Variants in CADPS2 observed in about 807,000 individuals in gnomAD.
The protein encoded by CADPS2 is calcium dependent secretion activator 2.
Under a neutral mutation model 172.5 loss-of-function variants are expected in CADPS2, and 93 were observed. That is an observed-to-expected ratio of 0.54 (90% CI 0.46 to 0.64). CADPS2 has a LOEUF of 0.64. Among genes scored for constraint, CADPS2 ranks in the 30% least tolerant of loss-of-function variants. The pLI is 0.00. For missense variants in CADPS2, 1,420 were observed against 1,565.9 expected (o/e 0.91, Z 1.57); for synonymous variants, 546 against 555.2 (o/e 0.98, Z 0.23).
intron 11 of CADPS2, among the ~76,000 whole-genome samples, chr7:122,489,754 T>C (rs887265226): frequency 2.0e-5 from 3 of 152,156 alleles, no homozygotes; most frequent in East Asian, 3.9e-4. Flanking sequence ...ACTTTTTCCA[T>C]ATCTATAGGA....
intron 8 of CADPS2, among the ~76,000 whole-genome samples, chr7:122,540,054 T>C (rs2062760357): frequency 6.6e-6 from 1 of 152,088 alleles, no homozygotes; most frequent in South Asian, 2.1e-4. Context: ...CAAGTACATG[T>C]CATTTTCAGT....
chr7:122,562,849 T>C (rs576761235), intron 7 of CADPS2, among the ~76,000 whole-genome samples: 5 of 152,322 alleles, frequency 3.3e-5, no homozygotes, highest in African/African-American at 1.2e-4. Context: ...ATTAATGTAG[T>C]TAAAGTTTTG....
intron 20 of CADPS2, among the ~76,000 whole-genome samples, chr7:122,404,401 A>T (rs1313980093): frequency 6.6e-6 from 1 of 152,168 alleles, no homozygotes; most frequent in Non-Finnish European, 1.5e-5. Flanking sequence ...ATTGTTGGAC[A>T]TTTGGGTTGG....
At chr7:122,384,484 T>C (rs1056707867) in intron 24 of CADPS2, among the ~76,000 whole-genome samples, 2 of 152,144 alleles carry the variant, frequency 1.3e-5, no homozygotes, top group African/African-American at 4.8e-5. Context: ...CTCACCTGTA[T>C]ATGTAATGTA....
chr7:122,619,549 C>T (rs532123546), intron 5 of CADPS2, among the ~76,000 whole-genome samples: 5 of 152,030 alleles, frequency 3.3e-5, no homozygotes, highest in African/African-American at 9.6e-5. Flanking sequence ...ATCACTTGAA[C>T]CCAGGAAGTG....
At chr7:122,654,766 C>G (rs994000171) in intron 3 of CADPS2, among the ~76,000 whole-genome samples, 1 of 152,124 alleles carries the variant, frequency 6.6e-6, no homozygotes. Flanking sequence ...ACTTTCGAGT[C>G]TTATTATTTA....
At chr7:122,335,447 C>T (rs2035705736) in intron 28 of CADPS2, among the ~76,000 whole-genome samples, 1 of 152,106 alleles carries the variant, frequency 6.6e-6, no homozygotes, top group African/African-American at 2.4e-5. Context: ...TGGAGTTTCA[C>T]CATGTTGAAA....
chr7:122,868,192 C>A (rs1228109560), intron 1 of CADPS2, among the ~76,000 whole-genome samples: 1 of 142,224 alleles, frequency 7.0e-6, no homozygotes, highest in African/African-American at 2.6e-5. Context: ...AATCACCTAG[C>A]TCTGGAAGTT....
intron 2 of CADPS2, among the ~76,000 whole-genome samples, chr7:122,708,501 C>A (rs1302717152): frequency 8.2e-5 from 7 of 85,460 alleles, no homozygotes; most frequent in Admixed American, 3.6e-4. Context: ...ATATGTAGAT[C>A]CAAACATATT....
chr7:122,673,982 C>T (rs745908542), intron 2 of CADPS2, among the ~76,000 whole-genome samples: 5 of 152,086 alleles, frequency 3.3e-5, no homozygotes, highest in South Asian at 2.1e-4. Context: ...AGCGGGGAGG[C>T]GGCTGAGGCC....
At chr7:122,372,223 T>C (rs2041855082) in intron 25 of CADPS2, among the ~76,000 whole-genome samples, 1 of 152,152 alleles carries the variant, frequency 6.6e-6, no homozygotes, top group Non-Finnish European at 1.5e-5. Flanking sequence ...GGGCTTTTAA[T>C]TGCTATTCTG....
chr7:122,355,688 G>T (rs1449973143), intron 27 of CADPS2, among the ~76,000 whole-genome samples: 1 of 152,098 alleles, frequency 6.6e-6, no homozygotes, highest in Non-Finnish European at 1.5e-5. Flanking sequence ...TCTTCCAGGT[G>T]GAATTTTTGG....
chr7:122,705,424 ATATAT>A (rs2086838919), intron 2 of CADPS2, among the ~76,000 whole-genome samples: 1 of 139,956 alleles, frequency 7.1e-6, no homozygotes, highest in Admixed American at 8.0e-5. Flanking sequence ...AGTAGAGATA[ATATAT>A]AATATGTAAT....
intron 19 of CADPS2, among the ~76,000 whole-genome samples, chr7:122,411,775 T>C (rs536333525): frequency 1.3e-4 from 20 of 152,216 alleles, no homozygotes; most frequent in Middle Eastern, 3.4e-3. Context: ...AGCGACATGA[T>C]TCTGAGGGCC....
intron 18 of CADPS2, among the ~76,000 whole-genome samples, chr7:122,414,994 G>C: frequency 6.6e-6 from 1 of 152,052 alleles, no homozygotes; most frequent in East Asian, 1.9e-4. Context: ...CCAACTCAAA[G>C]TCAGAAAACT....
At chr7:122,723,998 A>T (rs901084194) in intron 2 of CADPS2, among the ~76,000 whole-genome samples, 6 of 136,950 alleles carry the variant, frequency 4.4e-5, no homozygotes, top group Non-Finnish European at 7.8e-5. Context: ...TGGACACAGG[A>T]AGAGGAACAT....
At chr7:122,698,145 A>T in intron 2 of CADPS2, 2 of 1,613,942 alleles carry the variant, frequency 1.2e-6, no homozygotes, top group Non-Finnish European at 1.7e-6. Flanking sequence ...GTTCAAAGCA[A>T]ATTACGCAGC....
At chr7:122,862,045 G>C (rs2141303365) in intron 1 of CADPS2, among the ~76,000 whole-genome samples, 1 of 152,278 alleles carries the variant, frequency 6.6e-6, no homozygotes, top group East Asian at 1.9e-4. Context: ...TGGCAGATCA[G>C]AAAACAGAGG....
chr7:122,574,777 TATAAC>T (rs892595145), intron 7 of CADPS2, among the ~76,000 whole-genome samples: 31 of 152,184 alleles, frequency 2.0e-4, no homozygotes, highest in Admixed American at 2.6e-4. Flanking sequence ...AGACACAGAC[TATAAC>T]ACACAAATTT....
Sources: allele counts gnomAD v4.1 joint callset (sites outside exome capture counted in the v4.1 genomes callset), GRCh38; gene constraint gnomAD v4.1.1; transcripts MANE v1.5; gene names NCBI Gene and HGNC (gene_info 2026-07-23, HGNC 2026-07-21).